Variants in CD2AP observed in about 807,000 individuals in gnomAD.
The protein encoded by CD2AP is CD2 associated protein.
CD2AP carries 46 observed loss-of-function variants against 85.1 expected under a neutral mutation model. The ratio of observed to expected loss-of-function variants is 0.54; its 90% CI spans 0.43 to 0.69. The LOEUF is 0.69. CD2AP is among the 30% of genes least tolerant of loss of function. CD2AP has a pLI of 0.00. For synonymous variants in CD2AP, 255 were observed against 252.9 expected, an observed-to-expected ratio of 1.01 and a Z score of -0.08; for missense variants, 769 against 729.5, an observed-to-expected ratio of 1.05 and a Z score of -0.62.
chr6:47,540,501 T>C (rs1165037227), intron 3 of CD2AP, among the ~76,000 whole-genome samples: 1 of 152,188 alleles, frequency 6.6e-6, no homozygotes, highest in Non-Finnish European at 1.5e-5. Context: ...ACTCATAATT[T>C]GTGGTAATAA....
At chr6:47,500,159 G>A (rs959764169) in intron 1 of CD2AP, among the ~76,000 whole-genome samples, 7 of 152,150 alleles carry the variant, frequency 4.6e-5, no homozygotes, top group African/African-American at 1.4e-4. Context: ...GTTTTCCTAA[G>A]CTATTTTTTA....
At position 47,478,212 on chromosome 6, in the gene CD2AP, G is replaced by C; in HGVS notation, c.-33G>C. The C allele has an allele frequency of 6.4e-7, 1 of 1,565,046 alleles. No homozygotes were observed. Among genetic ancestry groups the C allele is most frequent in the Non-Finnish European group, 8.7e-7 (1 of 1,155,480 alleles). ...CCACTGGAGGAGGAGGAGGAGGAGC[G>C]GACGTCGGCTTCTCCCCGCGGGAGC... is the stretch of plus-strand genomic sequence containing the variant. On this transcript the variant is annotated 5_prime_UTR_variant, in exon 1 of 18. Transcript: ENST00000359314.
rs374695299 is a variant in CD2AP, at chr6:47,533,740, A to G, written c.304A>G (p.Lys102Glu). Residue 102 changes from lysine (K) to glutamate (E), a missense_variant, in exon 3 of 18, where the codon AAA (lysine) becomes GAA (glutamate). Lys to Glu is a moderately conservative substitution (Grantham distance 56). Coordinates refer to ENST00000359314, the MANE Select transcript of CD2AP (RefSeq NM_012120.3). Reference protein sequence around the residue: ...AGGIQPHPQTKNIKKKTKKRQ... With the variant: ...AGGIQPHPQTENIKKKTKKRQ... Reference sequence around the variant, plus strand: ...AGGAATTCAGCCACATCCACAAACCAAAAACATTAAGAAGAGTATGTAAAT... The same window carrying G: ...AGGAATTCAGCCACATCCACAAACCGAAAACATTAAGAAGAGTATGTAAAT... 56 of 1,613,862 alleles carry G rather than the reference A, an allele frequency of 3.5e-5. No individual in the cohort carries two copies. The South Asian group carries it at 6.0e-4, about 17-fold the overall frequency.
intron 5 of CD2AP, among the ~76,000 whole-genome samples, chr6:47,568,586 CA>C (rs1278499098): frequency 6.6e-6 from 1 of 151,538 alleles, no homozygotes. Context: ...CTAAAAAATA[CA>C]AAAAAAATTA....
At position 47,586,255 on chromosome 6, in the gene CD2AP, A is replaced by G. The variant is rs1227285957; in HGVS notation, c.1108+4190A>G. On this transcript the variant is annotated intron_variant, in intron 11 of 17. Coordinates refer to ENST00000359314, the MANE Select transcript of CD2AP (RefSeq NM_012120.3). ...ACCCAAATTGAACCTTTAGAAAAGA[A>G]TAATACAGTATCTGAAATGAGAAAC... Among the ~76,000 whole-genome samples the G allele has an allele frequency of 2.0e-5, 3 of 152,182 alleles. No homozygotes were observed. The East Asian group carries it at 5.8e-4, about 29-fold the overall frequency.
intron 11 of CD2AP, among the ~76,000 whole-genome samples, chr6:47,584,346 G>A (rs1274165986): frequency 2.0e-5 from 3 of 150,366 alleles, no homozygotes; most frequent in Non-Finnish European, 3.0e-5. Flanking sequence ...TTATAGTTTT[G>A]TGTTTTACAT....
rs145119237 is a variant in CD2AP at position 47,526,588 on chromosome 6, G to C, written c.166-7014G>C. Among the ~76,000 whole-genome samples the C allele has an allele frequency of 1.8e-3, 268 of 152,194 alleles. 1 individual carries two copies. The highest frequency in any genetic ancestry group is 3.4e-3 in the Middle Eastern group (1 of 292). The stretch of plus-strand genomic sequence containing the variant: ...GGTTCCTAAAATGGTTCTAGATCTT[G>C]AGCAATGAATTCATATATCATGTTA... On this transcript the variant is annotated intron_variant, in intron 2 of 17. Transcript: ENST00000359314.
At chr6:47,586,378 A>G (rs1768631224) in intron 11 of CD2AP, among the ~76,000 whole-genome samples, 1 of 152,212 alleles carries the variant, frequency 6.6e-6, no homozygotes, top group African/African-American at 2.4e-5. Flanking sequence ...ATAGAAAAAA[A>G]GTGAACAGAA....
chr6:47,556,060 T>C (rs1379470907), intron 5 of CD2AP, among the ~76,000 whole-genome samples: 1 of 151,556 alleles, frequency 6.6e-6, no homozygotes, highest in African/African-American at 2.4e-5. Context: ...CTTTTCTTTT[T>C]TTTTTTTTTT....
chr6:47,494,917 T>G (rs1358868431), intron 1 of CD2AP, among the ~76,000 whole-genome samples: 1 of 152,130 alleles, frequency 6.6e-6, no homozygotes, highest in Non-Finnish European at 1.5e-5. Context: ...TCTGAGTACT[T>G]TGGGAGGCCA....
Position 47,582,178 on chromosome 6 carries a change from A to G in CD2AP, c.1108+113A>G, listed in dbSNP as rs1229308367. ...CACTGATTTTTAACAGGTATTCAGT[A>G]TGTATTTAACAATGCTTGGAGTTTT... On this transcript the variant is annotated intron_variant, in intron 11 of 17. Coordinates refer to ENST00000359314, the MANE Select transcript of CD2AP (RefSeq NM_012120.3). 2.4e-5 allele frequency: 18 copies of G among 735,598 alleles called. 1 individual carries two copies. The highest frequency in any genetic ancestry group is 3.0e-5 in the Non-Finnish European group (12 of 403,254). The allele number at this position is 735,598 out of a possible 1,614,324, so 45.6% of individuals were successfully genotyped here. A position where few individuals can be genotyped will look rare whatever the true frequency, so the allele number is the denominator to read the frequency against.
At chr6:47,556,470 C>T (rs189791865) in intron 5 of CD2AP, among the ~76,000 whole-genome samples, 1 of 152,002 alleles carries the variant, frequency 6.6e-6, no homozygotes, top group Admixed American at 6.5e-5. Flanking sequence ...GCCTCAGCCT[C>T]CCAAGCAGTT....
chr6:47,521,469 T>C (rs1766593071), intron 2 of CD2AP, among the ~76,000 whole-genome samples: 1 of 151,996 alleles, frequency 6.6e-6, no homozygotes, highest in Admixed American at 6.6e-5. Context: ...GGAGAAGTGC[T>C]TGAACCCGGG....
At chr6:47,605,323 G>A (rs1262858732) in intron 13 of CD2AP, among the ~76,000 whole-genome samples, 2 of 151,780 alleles carry the variant, frequency 1.3e-5, no homozygotes, top group Non-Finnish European at 2.9e-5. Context: ...TAGATATCTG[G>A]GCTTTAGAGT....
intron 2 of CD2AP, among the ~76,000 whole-genome samples, chr6:47,512,332 ACT>A (rs1446071750): frequency 2.0e-5 from 3 of 152,052 alleles, no homozygotes; most frequent in Non-Finnish European, 2.9e-5. Context: ...GCAGAACGAG[ACT>A]CTGTCTCAAA....
intron 1 of CD2AP, among the ~76,000 whole-genome samples, chr6:47,496,453 A>G (rs1006442753): frequency 6.6e-6 from 1 of 152,150 alleles, no homozygotes; most frequent in Non-Finnish European, 1.5e-5. Flanking sequence ...AGGGAATTTA[A>G]CCCTATTTAC....
chr6:47,513,379 A>G (rs993668164), intron 2 of CD2AP, among the ~76,000 whole-genome samples: 6 of 152,078 alleles, frequency 3.9e-5, no homozygotes, highest in African/African-American at 7.2e-5. Context: ...TTGCCTATCT[A>G]TGTAGGTTCT....
At chr6:47,584,803 A>G (rs1159243754) in intron 11 of CD2AP, among the ~76,000 whole-genome samples, 2 of 152,120 alleles carry the variant, frequency 1.3e-5, no homozygotes, top group African/African-American at 4.8e-5. Flanking sequence ...AGTTTTTAGT[A>G]CTTGTTTATA....
intron 1 of CD2AP, among the ~76,000 whole-genome samples, chr6:47,500,844 T>C (rs988083042): frequency 2.6e-5 from 4 of 152,080 alleles, no homozygotes; most frequent in Non-Finnish European, 5.9e-5. Context: ...CCTCCCGGAT[T>C]CACGCCATTT....
Sources: allele counts gnomAD v4.1 joint callset (sites outside exome capture counted in the v4.1 genomes callset), GRCh38; gene constraint gnomAD v4.1.1; transcripts MANE v1.5; gene names NCBI Gene and HGNC (gene_info 2026-07-23, HGNC 2026-07-21).